The following ZNF787 variants were observed in gnomAD, a reference collection of about 807,000 sequenced individuals.
ZNF787 encodes TTF-I-interacting peptide 20.
Under a neutral mutation model 16.9 loss-of-function variants are expected in ZNF787, and 7 were observed. The ratio of observed to expected loss-of-function variants is 0.42; its 90% confidence interval spans 0.24 to 0.78. The LOEUF (loss-of-function observed/expected upper bound fraction) is 0.78, where lower values mean the gene tolerates loss of function less well. Ranked by LOEUF, ZNF787 falls within the 30% of genes least tolerant of loss-of-function variation. The pLI is 0.30. For synonymous variants in ZNF787, 345 were observed against 270.9 expected, an observed-to-expected ratio of 1.27 and a Z score of -2.69; for missense variants, 551 against 589.3, an observed-to-expected ratio of 0.94 and a Z score of 0.67.
At chr19:56,120,700 A>G (rs2030266994) in intron 1 of ZNF787, among the ~76,000 whole-genome samples, 1 of 151,772 alleles carries the variant, frequency 6.6e-6, no homozygotes, top group African/African-American at 2.4e-5. Context: ...AGGCCAGCCC[A>G]ACCGCGCGGC....
chr19:56,107,372 C>T (rs572359277), intron 1 of ZNF787, among the ~76,000 whole-genome samples: 5 of 152,300 alleles, frequency 3.3e-5, no homozygotes, highest in South Asian at 2.1e-4. Flanking sequence ...ACATGAAGGC[C>T]GCGCTCTCCA....
intron 1 of ZNF787, among the ~76,000 whole-genome samples, chr19:56,118,101 G>A (rs970399999): frequency 6.6e-6 from 1 of 152,226 alleles, no homozygotes; most frequent in Non-Finnish European, 1.5e-5. Flanking sequence ...CTCAGAGCTT[G>A]GGCTGGTTTC....
chr19:56,099,938 G>C (rs901967132), intron 2 of ZNF787, among the ~76,000 whole-genome samples: 7 of 152,136 alleles, frequency 4.6e-5, no homozygotes, highest in Non-Finnish European at 1.0e-4. Flanking sequence ...CACGGCGCCG[G>C]GATCTCGCCT....
At chr19:56,109,977 T>C (rs971095645) in intron 1 of ZNF787, among the ~76,000 whole-genome samples, 3 of 152,250 alleles carry the variant, frequency 2.0e-5, no homozygotes, top group African/African-American at 7.2e-5. Flanking sequence ...GGGAAGCCAC[T>C]GCACGCAGCC....
Position 56,087,991 on chromosome 19 carries a change from GCCCTGCCCGCCCCCCCC to G in ZNF787, c.*15_*31del. On this transcript the variant is annotated 3_prime_UTR_variant, in exon 3 of 3. Coordinates refer to ENST00000610935, the MANE Select transcript of ZNF787 (RefSeq NM_001002836.4). ...TCGTCGCTCCCGCCAAGCCCGAGGG[GCCCTGCCCGCCCCCCCC>G]CCCGGGCCCCTCCCCTACCGGCCCT... is the stretch of plus-strand genomic sequence containing the variant. The G allele has an allele frequency of 1.6e-6, 2 of 1,280,084 alleles. No individual in the cohort carries two copies. The highest frequency in any genetic ancestry group is 3.6e-5 in the East Asian group (1 of 27,496). The allele number at this position is 1,280,084 out of a possible 1,614,324, so 79.3% of individuals were successfully genotyped here.
intron 1 of ZNF787, among the ~76,000 whole-genome samples, chr19:56,114,912 C>G (rs1049846592): frequency 6.6e-6 from 1 of 152,160 alleles, no homozygotes; most frequent in Non-Finnish European, 1.5e-5. Context: ...CAGCGCCACC[C>G]CTCCACTCCC....
chr19:56,101,548 G>C (rs998417277), intron 2 of ZNF787: 2 of 152,356 alleles, frequency 1.3e-5, no homozygotes, highest in African/African-American at 4.8e-5. Flanking sequence ...TGGAGACAAC[G>C]AAGTATTTTA....
chr19:56,112,840 G>GGGC (rs1248538848), intron 1 of ZNF787, among the ~76,000 whole-genome samples: 2 of 151,932 alleles, frequency 1.3e-5, no homozygotes, highest in African/African-American at 4.8e-5. Flanking sequence ...TGCCTTTGTG[G>GGGC]GGCGGGGGAG....
chr19:56,092,975 G>A (rs1568524056), intron 2 of ZNF787, among the ~76,000 whole-genome samples: 2 of 151,116 alleles, frequency 1.3e-5, no homozygotes, highest in South Asian at 4.2e-4. Context: ...CCATAGACAC[G>A]AGATGGCGGA....
chr19:56,117,797 C>A (rs984380846), intron 1 of ZNF787, among the ~76,000 whole-genome samples: 13 of 152,346 alleles, frequency 8.5e-5, no homozygotes, highest in Non-Finnish European at 1.6e-4. Flanking sequence ...CCAGCAAAGA[C>A]CCTGCACACA....
intron 2 of ZNF787, among the ~76,000 whole-genome samples, chr19:56,093,476 C>T (rs1014212839): frequency 6.1e-4 from 93 of 152,150 alleles, no homozygotes; most frequent in African/African-American, 2.2e-3. Context: ...CCTCCTTCCC[C>T]TCAGTGTTTT....
chr19:56,103,439 G>A (rs573328829), intron 1 of ZNF787: 14 of 444,166 alleles, frequency 3.2e-5, no homozygotes, highest in Admixed American at 4.0e-5. Flanking sequence ...TCACACAGCC[G>A]CAGGAAGGAC....
At chr19:56,095,461 A>C (rs1261847466) in intron 2 of ZNF787, among the ~76,000 whole-genome samples, 2 of 152,124 alleles carry the variant, frequency 1.3e-5, no homozygotes, top group Admixed American at 1.3e-4. Context: ...TTTTATGTAT[A>C]AGTTTCCTTG....
At chr19:56,111,459 C>G (rs910809987) in intron 1 of ZNF787, among the ~76,000 whole-genome samples, 2 of 152,134 alleles carry the variant, frequency 1.3e-5, no homozygotes, top group Non-Finnish European at 2.9e-5. Flanking sequence ...TGCACCCACC[C>G]GTGGGTGAAA....
intron 2 of ZNF787, among the ~76,000 whole-genome samples, chr19:56,090,083 A>G (rs1985514532): frequency 6.6e-6 from 1 of 152,084 alleles, no homozygotes; most frequent in Non-Finnish European, 1.5e-5. Context: ...CACAATTACA[A>G]CGTTCTCACT....
intron 2 of ZNF787, among the ~76,000 whole-genome samples, chr19:56,095,135 G>A (rs1426985773): frequency 6.6e-6 from 1 of 152,096 alleles, no homozygotes; most frequent in Non-Finnish European, 1.5e-5. Flanking sequence ...TTCTCATAAG[G>A]AACACACAAC....
intron 2 of ZNF787, among the ~76,000 whole-genome samples, chr19:56,091,539 G>C (rs1007431572): frequency 2.0e-5 from 3 of 152,290 alleles, no homozygotes; most frequent in Admixed American, 2.0e-4. Flanking sequence ...TCTTTACCTA[G>C]AACCAGGGAG....
At chr19:56,119,228 C>T (rs530351534) in intron 1 of ZNF787, among the ~76,000 whole-genome samples, 96 of 152,328 alleles carry the variant, frequency 6.3e-4, no homozygotes, top group African/African-American at 2.0e-3. Flanking sequence ...AGTGCTGTGC[C>T]AAGACCATGT....
intron 2 of ZNF787, among the ~76,000 whole-genome samples, chr19:56,091,353 T>G (rs1015272402): frequency 6.6e-6 from 1 of 152,218 alleles, no homozygotes. Context: ...TAGCATTTAT[T>G]CATGACGACA....
Sources: allele counts gnomAD v4.1 joint callset (sites outside exome capture counted in the v4.1 genomes callset), GRCh38; gene constraint gnomAD v4.1.1; transcripts MANE v1.5; gene names NCBI Gene and HGNC (gene_info 2026-07-23, HGNC 2026-07-21).